The following BPTF variants were observed in gnomAD, a reference collection of about 807,000 sequenced individuals.
The protein encoded by BPTF is nucleosome-remodeling factor subunit BPTF.
BPTF carries 18 observed loss-of-function variants against 292.5 expected under a neutral mutation model. The observed-to-expected ratio is 0.06, with a 90% confidence interval of 0.04 to 0.09. BPTF has a LOEUF of 0.09. Among genes scored for constraint, BPTF ranks in the 10% least tolerant of loss-of-function variants. The probability of loss-of-function intolerance (pLI) is 1.00; values close to 1 mark genes in which losing one functional copy is unlikely to be tolerated. For synonymous variants in BPTF, 1,225 were observed against 1,251.9 expected (o/e 0.98, Z 0.45); for missense variants, 2,726 against 3,498.7 (o/e 0.78, Z 5.57).
chr17:67,981,808 C>A, intron 27 of BPTF: 1 of 876,210 alleles, frequency 1.1e-6, no homozygotes, highest in Non-Finnish European at 1.4e-6. Context: ...TTTAAGATTG[C>A]TTTTTCTTTT....
At chr17:67,906,933 C>A (rs2062244547) in intron 9 of BPTF, among the ~76,000 whole-genome samples, 1 of 152,088 alleles carries the variant, frequency 6.6e-6, no homozygotes, top group African/African-American at 2.4e-5. Context: ...TGGCTCACAC[C>A]TGTGATGGGA....
chr17:67,947,421 G>A (rs943068644), intron 21 of BPTF, among the ~76,000 whole-genome samples: 5 of 152,118 alleles, frequency 3.3e-5, no homozygotes, highest in Non-Finnish European at 5.9e-5. Flanking sequence ...ATTACTTACT[G>A]TTTGTCAAAC....
At chr17:67,913,347 T>C (rs531758945) in intron 11 of BPTF, among the ~76,000 whole-genome samples, 160 bp downstream of exon 11, 13 of 230 alleles carry the variant, frequency 0.057, no homozygotes, top group African/African-American at 0.19. Context: ...AGCTTCAAAA[T>C]TGGCCAACTA....
intron 27 of BPTF, among the ~76,000 whole-genome samples, chr17:67,980,098 A>G (rs1248164178): frequency 3.1e-4 from 46 of 150,482 alleles, no homozygotes; most frequent in African/African-American, 1.1e-3. Flanking sequence ...TAATCCTAAC[A>G]CTGTGGGAGG....
At chr17:67,879,167 A>C (rs1598394292) in intron 4 of BPTF, among the ~76,000 whole-genome samples, 1 of 112,762 alleles carries the variant, frequency 8.9e-6, no homozygotes, top group Middle Eastern at 6.1e-3. Context: ...TTTGAGATGG[A>C]GTTTCAGTCT....
chr17:67,927,074 C>T (rs1220884248), intron 15 of BPTF, among the ~76,000 whole-genome samples: 2 of 152,094 alleles, frequency 1.3e-5, no homozygotes, highest in Non-Finnish European at 2.9e-5. Context: ...AAAAATTGGA[C>T]GTGATGTCAT....
intron 24 of BPTF, chr17:67,960,084 GTTATA>G: frequency 2.2e-6 from 1 of 461,470 alleles, no homozygotes; most frequent in Non-Finnish European, 3.8e-6. Context: ...ATTGTCCTTT[GTTATA>G]TTCTTTTCTG....
chr17:67,932,150 ATCCATTGTGAGC>A, intron 18 of BPTF, 131 bp downstream of exon 18: 1 of 741,820 alleles, frequency 1.3e-6, no homozygotes, highest in Non-Finnish European at 2.2e-6. Context: ...TAAATTTCTA[ATCCATTGTGAGC>A]TCTATTCATT....
At chr17:67,938,539 A>G (rs1037827738) in intron 18 of BPTF, among the ~76,000 whole-genome samples, 3 of 152,232 alleles carry the variant, frequency 2.0e-5, no homozygotes, top group Non-Finnish European at 2.9e-5. Flanking sequence ...ATAGTTACAG[A>G]GGCATTATAT....
chr17:67,912,273 G>T lies in BPTF; in HGVS notation c.4389G>T (p.Arg1463Ser). The part of the protein sequence containing the change: ...KSLTVKESAI[R>S]PFINGDVIME... ...TGACTGTTAAAGAATCTGCTATAAG[G>T]CCATTCATTAATGGTGATGTCATCA... is the stretch of plus-strand genomic sequence containing the variant. Residue 1463 changes from arginine (R) to serine (S), a missense_variant, in exon 11 of 28, where the codon AGG becomes AGT. Arg to Ser is a moderately radical substitution (Grantham distance 110). This residue lies in a region of BPTF where 713 missense variants were observed against 714.9 expected (regional missense o/e 1.00). Transcript: ENST00000306378. 1 of 1,613,464 alleles carries T rather than the reference G, an allele frequency of 6.2e-7. No homozygotes were observed.
chr17:67,835,751 T>C (rs868471105), intron 1 of BPTF, among the ~76,000 whole-genome samples: 6 of 151,790 alleles, frequency 4.0e-5, no homozygotes, highest in South Asian at 4.2e-4. Flanking sequence ...CTGTGAGCTC[T>C]GCCTCCCGGG....
chr17:67,970,758 C>T (rs141727833), intron 26 of BPTF, among the ~76,000 whole-genome samples: 10 of 152,298 alleles, frequency 6.6e-5, no homozygotes, highest in African/African-American at 2.4e-4. Flanking sequence ...AATACTTTTT[C>T]ACATCAGCTG....
intron 14 of BPTF, among the ~76,000 whole-genome samples, chr17:67,923,770 G>A (rs561909106): frequency 4.0e-5 from 6 of 151,764 alleles, no homozygotes; most frequent in South Asian, 2.1e-4. Flanking sequence ...GTGAGCCACC[G>A]CGCCCGGCCC....
At position 67,838,857 on chromosome 17, in the gene BPTF, G is replaced by C. The variant is rs2057337684; in HGVS notation, c.613+12520G>C. 3.9e-5 allele frequency among the ~76,000 whole-genome samples: 6 copies of C among 152,322 alleles called. No individual in the cohort carries two copies. The South Asian group carries it at 1.2e-3, about 32-fold the overall frequency. On this transcript the variant is annotated intron_variant, in intron 1 of 27. Transcript: ENST00000306378. Reference sequence around the variant, plus strand: ...TATTTTCACTTATGCCATGAAATCAGATTTTATCTTTGTGTATAAAAATAC... The same window carrying C: ...TATTTTCACTTATGCCATGAAATCACATTTTATCTTTGTGTATAAAAATAC...
At chr17:67,851,791 T>A (rs1182079765) in intron 1 of BPTF, among the ~76,000 whole-genome samples, 1 of 152,226 alleles carries the variant, frequency 6.6e-6, no homozygotes, top group African/African-American at 2.4e-5. Flanking sequence ...GTGTTTCCAT[T>A]GTTTTGCATC....
chr17:67,947,883 A>T (rs1260358483), intron 22 of BPTF, 75 bp downstream of exon 22: 1 of 1,403,342 alleles, frequency 7.1e-7, no homozygotes, highest in African/African-American at 1.4e-5. Context: ...TTCTGAGTTT[A>T]TACTTGTTTA....
Position 67,853,976 on chromosome 17 carries a change from C to T in BPTF, c.650C>T (p.Pro217Leu). ...RKPRVHRPRS[P>L]ILEEKDIPPL... ...CCAAGAGTACATCGGCCTCGTTCTCCTATATTGGAAGAAAAAGACATCCCG... is the reference window on the plus strand; with the variant it reads ...CCAAGAGTACATCGGCCTCGTTCTCTTATATTGGAAGAAAAAGACATCCCG... The change falls in exon 2 of 28, where the codon CCT becomes CTT. Residue 217 changes from proline (P) to leucine (L), a missense_variant. This residue lies in a region of BPTF where 153 missense variants were observed against 178.3 expected (regional missense o/e 0.86). Transcript: ENST00000306378. The T allele has an allele frequency of 6.2e-7, 1 of 1,613,974 alleles. No individual in the cohort carries two copies. Among genetic ancestry groups the T allele is most frequent in the South Asian group, 1.1e-5 (1 of 91,084 alleles).
rs2064433374 is a variant in BPTF, at chr17:67,932,008, T to C, written c.6248T>C (p.Met2083Thr). The change falls in exon 18 of 28, where the codon ATG becomes ACG. Residue 2083 changes from methionine (M) to threonine (T), a missense_variant. Met to Thr is a moderately conservative substitution (Grantham distance 81). Transcript: ENST00000306378. ...LGKAIIRTPV[M>T]VQPGAPQQVM... Reference sequence around the variant, plus strand: ...AAGGCAATTATTCGAACACCTGTGATGGTACAGCCAGGTATTTATCCATCC... The same window carrying C: ...AAGGCAATTATTCGAACACCTGTGACGGTACAGCCAGGTATTTATCCATCC... 6.2e-7 allele frequency: 1 copy of C among 1,612,416 alleles called. No homozygotes were observed. Among genetic ancestry groups the C allele is most frequent in the Non-Finnish European group, 8.5e-7 (1 of 1,178,604 alleles).
At chr17:67,924,450 C>CAATTTAAATTA (rs1371483590) in intron 14 of BPTF, 97 bp from the exon 15 acceptor site, 2 of 1,210,212 alleles carry the variant, frequency 1.7e-6, no homozygotes, top group Admixed American at 2.1e-5. Context: ...AATATCATAC[C>CAATTTAAATTA]TTTGTATGAT....
Sources: gnomAD v4.1 joint callset for allele counts (sites outside exome capture counted in the v4.1 genomes callset) on GRCh38, gnomAD v4.1.1 for gene constraint, gnomAD v4.1.1 regional missense constraint, MANE v1.5 for transcripts, NCBI Gene and HGNC (gene_info 2026-07-23, HGNC 2026-07-21) for gene names.